The following QTGAL variants were observed in gnomAD, a reference collection of about 807,000 sequenced individuals.
QTGAL encodes BGnT-like protein 1.
the QTGAL span, among the ~76,000 whole-genome samples, chr17:82,959,734 T>C: frequency 6.6e-6 from 1 of 151,828 alleles, no homozygotes. Flanking sequence ...CACGCGAGGT[T>C]TGGGGGGCCT....
At chr17:82,961,043 C>A in the QTGAL span, 12 of 1,602,914 alleles carry the variant, frequency 7.5e-6, no homozygotes, top group Non-Finnish European at 9.4e-6. Context: ...CGGGGCCGGG[C>A]GGGGCTGACT....
the QTGAL span, among the ~76,000 whole-genome samples, chr17:83,031,510 C>T: frequency 6.9e-6 from 1 of 144,934 alleles, no homozygotes; most frequent in Non-Finnish European, 1.5e-5. Flanking sequence ...GCAGGACTGG[C>T]GCCACGTTTA....
the QTGAL span, chr17:83,049,078 C>G: frequency 1.3e-5 from 4 of 308,180 alleles, no homozygotes; most frequent in African/African-American, 8.9e-5. Flanking sequence ...ATGGTGAAAC[C>G]CCATCTCTAC....
the QTGAL span, among the ~76,000 whole-genome samples, chr17:82,966,729 C>T: frequency 2.6e-5 from 4 of 152,276 alleles, no homozygotes; most frequent in East Asian, 1.9e-4. Context: ...AAAGAGGCAA[C>T]GAGCTCATCC....
At chr17:82,986,065 C>T in the QTGAL span, among the ~76,000 whole-genome samples, 16 of 152,288 alleles carry the variant, frequency 1.1e-4, no homozygotes, top group African/African-American at 2.9e-4. Flanking sequence ...AACCTGACAC[C>T]GGGCCAGGAG....
At chr17:83,014,771 A>G in the QTGAL span, among the ~76,000 whole-genome samples, 1 of 152,278 alleles carries the variant, frequency 6.6e-6, no homozygotes, top group Admixed American at 6.5e-5. Flanking sequence ...AATAAGTAAG[A>G]AAACGATAGA....
chr17:83,028,040 G>GGCGGTGGTT, the QTGAL span, among the ~76,000 whole-genome samples: 1 of 151,920 alleles, frequency 6.6e-6, no homozygotes, highest in Non-Finnish European at 1.5e-5. Flanking sequence ...GAACCTGGGA[G>GGCGGTGGTT]GCGGTGGTTG....
the QTGAL span, among the ~76,000 whole-genome samples, chr17:83,007,664 C>T: frequency 3.3e-5 from 5 of 152,168 alleles, no homozygotes; most frequent in Non-Finnish European, 5.9e-5. Context: ...GGCTGATTGA[C>T]GCCTGCTTCC....
chr17:82,942,234 G>A, the QTGAL span: 12 of 605,114 alleles, frequency 2.0e-5, no homozygotes, highest in Admixed American at 9.1e-5. Context: ...CTCCCTTCCC[G>A]CTCCCCAGAT....
At chr17:82,970,113 C>T in the QTGAL span, among the ~76,000 whole-genome samples, 6 of 152,218 alleles carry the variant, frequency 3.9e-5, no homozygotes, top group Non-Finnish European at 7.3e-5. Context: ...GGTGCTTCTG[C>T]GTCGTGACAG....
At chr17:82,970,622 G>A in the QTGAL span, among the ~76,000 whole-genome samples, 8,911 of 58,472 alleles carry the variant, frequency 0.15, 1,452 homozygotes, top group African/African-American at 0.27. Flanking sequence ...CTCCCCACCC[G>A]GCGTGGCCGC....
At chr17:83,005,667 C>A in the QTGAL span, 2 of 703,772 alleles carry the variant, frequency 2.8e-6, no homozygotes, top group Non-Finnish European at 5.2e-6. The surrounding 1 kb of genome is among the most constrained non-coding windows in gnomAD (Gnocchi z 5.6). Context: ...AGGAAAGCAG[C>A]GTCCCTAAGT....
the QTGAL span, among the ~76,000 whole-genome samples, chr17:83,040,585 A>C: frequency 3.9e-5 from 6 of 152,254 alleles, no homozygotes; most frequent in African/African-American, 1.4e-4. Flanking sequence ...ATACCTTTAA[A>C]ATAACAAGAG....
the QTGAL span, among the ~76,000 whole-genome samples, chr17:82,994,519 T>A: frequency 6.6e-6 from 1 of 152,060 alleles, no homozygotes; most frequent in South Asian, 2.1e-4. Context: ...AAAACCTAAA[T>A]AGATCAATAA....
the QTGAL span, chr17:82,965,536 T>C: frequency 9.5e-7 from 1 of 1,053,970 alleles, no homozygotes; most frequent in Non-Finnish European, 1.4e-6. Flanking sequence ...GTTTCCTAAA[T>C]CTGCAGAGCC....
At chr17:82,963,121 A>G in the QTGAL span, among the ~76,000 whole-genome samples, 2 of 152,158 alleles carry the variant, frequency 1.3e-5, no homozygotes, top group Non-Finnish European at 2.9e-5. Context: ...CCCAGCCCCA[A>G]TCTGCTCACA....
At chr17:83,039,108 G>A in the QTGAL span, among the ~76,000 whole-genome samples, 2 of 152,134 alleles carry the variant, frequency 1.3e-5, no homozygotes, top group Non-Finnish European at 2.9e-5. Flanking sequence ...CTGAGTGCCC[G>A]CTGCCCACCG....
At chr17:83,019,548 T>C in the QTGAL span, among the ~76,000 whole-genome samples, 2 of 152,162 alleles carry the variant, frequency 1.3e-5, no homozygotes, top group African/African-American at 4.8e-5. Flanking sequence ...GGCAATGGGC[T>C]GTTTCACGGG....
the QTGAL span, among the ~76,000 whole-genome samples, chr17:83,044,154 T>C: frequency 6.6e-6 from 1 of 152,220 alleles, no homozygotes; most frequent in East Asian, 1.9e-4. Flanking sequence ...ATTACTCTGA[T>C]ACCGAAGCCA....
Sources: gnomAD v4.1 joint callset for allele counts (sites outside exome capture counted in the v4.1 genomes callset) on GRCh38, gnomAD v4.1.1 for gene constraint, Gnocchi (gnomAD v3.1) non-coding constraint, MANE v1.5 for transcripts, NCBI Gene and HGNC (gene_info 2026-07-23, HGNC 2026-07-21) for gene names.